Variants in EBF2 observed in about 807,000 individuals in gnomAD.
EBF2 encodes EBF transcription factor 2, also known as transcription factor COE2.
A neutral mutation model predicts 72.8 loss-of-function variants in EBF2; 21 were observed. The observed-to-expected ratio is 0.29, with a 90% confidence interval of 0.20 to 0.42. The LOEUF is 0.42. Ranked by LOEUF, EBF2 falls within the 10% of genes least tolerant of loss-of-function variation. The pLI is 1.00. For missense variants in EBF2, 637 were observed against 731.2 expected (o/e 0.87, Z 1.49); for synonymous variants, 299 against 274.2 (o/e 1.09, Z -0.89).
intron 6 of EBF2, among the ~76,000 whole-genome samples, chr8:25,996,099 G>A (rs914447284): frequency 4.6e-5 from 7 of 151,970 alleles, no homozygotes; most frequent in African/African-American, 1.7e-4. Context: ...TGAGGAGTTC[G>A]AGACCAGTTT....
intron 6 of EBF2, among the ~76,000 whole-genome samples, chr8:26,001,063 CT>C (rs1231403414): frequency 2.6e-5 from 4 of 152,184 alleles, no homozygotes; most frequent in African/African-American, 9.7e-5. Context: ...GGGAAGCAAT[CT>C]TATGGTCTTT....
At chr8:25,914,769 G>A (rs938121332) in intron 6 of EBF2, among the ~76,000 whole-genome samples, 1 of 152,136 alleles carries the variant, frequency 6.6e-6, no homozygotes, top group African/African-American at 2.4e-5. Flanking sequence ...ATGTTCTACC[G>A]AATCCATTTA....
chr8:25,862,814 C>G lies in EBF2; in HGVS notation c.1010-17G>C, dbSNP rs1297433569. 1.3e-6 allele frequency: 2 copies of G among 1,565,450 alleles called. No individual in the cohort carries two copies. Among genetic ancestry groups the G allele is most frequent in the Non-Finnish European group, 1.7e-6 (2 of 1,154,248 alleles). ...CATTTAATGCTGAAAGAGAAAAGTCCTCTTTCTGAGTTGGTATCCTGGCTA... is the reference window on the plus strand; with the variant it reads ...CATTTAATGCTGAAAGAGAAAAGTCGTCTTTCTGAGTTGGTATCCTGGCTA... On this transcript the variant is annotated splice_polypyrimidine_tract_variant and intron_variant, in intron 10 of 15. Transcript: ENST00000520164.
intron 7 of EBF2, among the ~76,000 whole-genome samples, chr8:25,904,923 G>T (rs768312645): frequency 9.9e-5 from 15 of 152,108 alleles, no homozygotes; most frequent in Admixed American, 4.6e-4. Context: ...TGGAATAGGA[G>T]AAAATATTTT....
At chr8:25,911,112 A>G (rs1803122039) in intron 6 of EBF2, among the ~76,000 whole-genome samples, 1 of 152,044 alleles carries the variant, frequency 6.6e-6, no homozygotes, top group South Asian at 2.1e-4. Flanking sequence ...CCATCCATTT[A>G]GCCACGGGGT....
chr8:25,982,433 C>T (rs1804377447), intron 6 of EBF2, among the ~76,000 whole-genome samples: 2 of 152,176 alleles, frequency 1.3e-5, no homozygotes, highest in South Asian at 4.1e-4. Context: ...TCCCTTCACC[C>T]TCCTCCTCAC....
rs988559501 is a variant in EBF2 at position 25,987,503 on chromosome 8, C to T, written c.551+45582G>A. ...CTTCAAAACACAACCATCGTATCAC[C>T]TTTTATGTGCTCGACACTTTACAGA... is the stretch of plus-strand genomic sequence containing the variant. On this transcript the variant is annotated intron_variant, in intron 6 of 15. Coordinates refer to ENST00000520164, the MANE Select transcript of EBF2 (RefSeq NM_022659.4). Among the ~76,000 whole-genome samples, 4 of 152,258 alleles carry T rather than the reference C, an allele frequency of 2.6e-5. No individual in the cohort carries two copies. In the South Asian group the frequency reaches 8.3e-4, roughly 32 times the overall value.
chr8:25,979,405 G>T (rs182794139), intron 6 of EBF2, among the ~76,000 whole-genome samples: 6 of 152,342 alleles, frequency 3.9e-5, no homozygotes, highest in African/African-American at 1.2e-4. Context: ...ACGGCATTCG[G>T]ATCAGGAGAT....
chr8:25,931,768 T>C (rs1469111571), intron 6 of EBF2, among the ~76,000 whole-genome samples: 1 of 152,146 alleles, frequency 6.6e-6, no homozygotes, highest in African/African-American at 2.4e-5. Context: ...CTTTCGTCCA[T>C]TGACATGCAC....
intron 6 of EBF2, among the ~76,000 whole-genome samples, chr8:25,943,415 C>G (rs728873): frequency 0.02 from 3,100 of 151,720 alleles, 115 homozygotes; most frequent in African/African-American, 0.07. Context: ...GAGGCTGAGA[C>G]AGGAGAATCT....
chr8:25,925,317 C>A (rs1478639587), intron 6 of EBF2, among the ~76,000 whole-genome samples: 1 of 151,970 alleles, frequency 6.6e-6, no homozygotes, highest in Non-Finnish European at 1.5e-5. Context: ...ACAGAAGGAG[C>A]TGAGAGGGGT....
intron 14 of EBF2, among the ~76,000 whole-genome samples, chr8:25,852,111 A>T (rs1021670152): frequency 2.0e-5 from 3 of 152,168 alleles, no homozygotes; most frequent in Admixed American, 6.5e-5. Context: ...TTCCTCATAT[A>T]TGGATAAAAA....
chr8:25,903,521 C>T (rs1802989262), intron 7 of EBF2, among the ~76,000 whole-genome samples: 1 of 135,932 alleles, frequency 7.4e-6, no homozygotes, highest in Admixed American at 7.8e-5. Context: ...CGGTGAAACC[C>T]CGTTTCTACT....
At chr8:25,997,293 A>G (rs1470074116) in intron 6 of EBF2, among the ~76,000 whole-genome samples, 3 of 152,216 alleles carry the variant, frequency 2.0e-5, no homozygotes, top group Non-Finnish European at 4.4e-5. Context: ...AAATTAGGCC[A>G]GGCATTGTGG....
At position 26,044,297 on chromosome 8, in the gene EBF2, G is replaced by A. The variant is rs1403187430; in HGVS notation, c.131+432C>T. Among the ~76,000 whole-genome samples the A allele has an allele frequency of 6.6e-6, 1 of 152,166 alleles. No homozygotes were observed. The highest frequency in any genetic ancestry group is 1.9e-4 in the East Asian group (1 of 5,168). On this transcript the variant is annotated intron_variant, in intron 1 of 15. Transcript: ENST00000520164. The surrounding 1 kb of genome is among the most constrained non-coding windows in gnomAD (Gnocchi z 4.1). ...ATCGCCCAGCAAGATGCGGGAGGTA[G>A]GCGCTCGCAGGCGGCGTGGCGAAGC...
chr8:25,998,844 G>A (rs139150370), intron 6 of EBF2, among the ~76,000 whole-genome samples: 6 of 152,238 alleles, frequency 3.9e-5, no homozygotes, highest in East Asian at 1.9e-4. Context: ...TTGATATCTC[G>A]TTACAAGAGC....
intron 6 of EBF2, among the ~76,000 whole-genome samples, chr8:25,983,528 C>T (rs1804397098): frequency 1.3e-5 from 2 of 152,242 alleles, no homozygotes; most frequent in African/African-American, 4.8e-5. Context: ...ATTCACTCTC[C>T]TGCCCTCATC....
chr8:25,862,980 C>T (rs7842746), intron 10 of EBF2, among the ~76,000 whole-genome samples, 183 bp from the exon 11 acceptor site: 32,842 of 150,998 alleles, frequency 0.22, 4,808 homozygotes, highest in African/African-American at 0.42. Context: ...TTTATAGTTT[C>T]CTATTAGAAT....
Position 25,843,518 on chromosome 8 carries a change from T to A in EBF2, c.*1091A>T, listed in dbSNP as rs1585252665. On this transcript the variant is annotated 3_prime_UTR_variant, in exon 16 of 16. Transcript: ENST00000520164. Reference sequence around the variant, plus strand: ...CTGGTGAGGAGGAATTCCCAAGGGGTCCCTTGGTTAAGAAAGTCTGTGGTT... The same window carrying A: ...CTGGTGAGGAGGAATTCCCAAGGGGACCCTTGGTTAAGAAAGTCTGTGGTT... 1 of 152,058 alleles carries A rather than the reference T, an allele frequency of 6.6e-6. No individual in the cohort carries two copies. The highest frequency in any genetic ancestry group is 1.9e-4 in the East Asian group (1 of 5,156). The allele number at this position is 152,058 out of a possible 1,614,324, so 9.4% of individuals were successfully genotyped here. A position where few individuals can be genotyped will look rare whatever the true frequency, so the allele number is the denominator to read the frequency against.
Sources: gnomAD v4.1 joint callset for allele counts (sites outside exome capture counted in the v4.1 genomes callset) on GRCh38, gnomAD v4.1.1 for gene constraint, Gnocchi (gnomAD v3.1) non-coding constraint, MANE v1.5 for transcripts, NCBI Gene and HGNC (gene_info 2026-07-23, HGNC 2026-07-21) for gene names.